RBFOX1: variants seen among roughly 807,000 people sequenced by gnomAD.
The protein encoded by RBFOX1 is RNA binding protein fox-1 homolog 1.
In RBFOX1, 8 loss-of-function variants were observed where a neutral mutation model predicts 57.7. The observed-to-expected ratio is 0.14, with a 90% CI of 0.08 to 0.25. RBFOX1 has a LOEUF of 0.25. Ranked by LOEUF, RBFOX1 falls within the 10% of genes least tolerant of loss-of-function variation. The pLI is 1.00. For missense variants in RBFOX1, 611 were observed against 548.5 expected (o/e 1.11, Z -1.14); for synonymous variants, 326 against 222.4 (o/e 1.47, Z -4.15).
chr16:6,942,851 T>C (rs372709096), intron 3 of RBFOX1, among the ~76,000 whole-genome samples: 4 of 152,320 alleles, frequency 2.6e-5, no homozygotes, highest in African/African-American at 9.6e-5. Flanking sequence ...AGGAGGACAG[T>C]CCTTCTACAT....
intron 3 of RBFOX1, among the ~76,000 whole-genome samples, chr16:6,818,112 C>T (rs567717118): frequency 3.3e-5 from 5 of 152,158 alleles, no homozygotes; most frequent in African/African-American, 1.2e-4. Context: ...GATTTTCCAC[C>T]CCTCCCTCTA....
intron 2 of RBFOX1, among the ~76,000 whole-genome samples, chr16:6,600,599 T>C: frequency 6.6e-6 from 1 of 152,160 alleles, no homozygotes; most frequent in Non-Finnish European, 1.5e-5. Context: ...CTTACAAACC[T>C]GCCATCATTT....
At chr16:7,531,907 C>T (rs2080180157) in intron 5 of RBFOX1, among the ~76,000 whole-genome samples, 1 of 152,074 alleles carries the variant, frequency 6.6e-6, no homozygotes, top group Admixed American at 6.6e-5. Flanking sequence ...CTAACCCATC[C>T]CCTTCCCCAG....
At chr16:7,462,209 T>G (rs1187987435) in intron 4 of RBFOX1, among the ~76,000 whole-genome samples, 1 of 152,266 alleles carries the variant, frequency 6.6e-6, no homozygotes, top group African/African-American at 2.4e-5. Flanking sequence ...TTTACATGAT[T>G]GCATTTGTTG....
At chr16:6,342,279 T>C (rs1324341234) in intron 2 of RBFOX1, among the ~76,000 whole-genome samples, 1 of 152,162 alleles carries the variant, frequency 6.6e-6, no homozygotes, top group Non-Finnish European at 1.5e-5. Flanking sequence ...TGGACTAGGA[T>C]GGCACCACGA....
chr16:6,468,728 G>C (rs981049051), intron 2 of RBFOX1, among the ~76,000 whole-genome samples: 2 of 151,662 alleles, frequency 1.3e-5, no homozygotes, highest in Non-Finnish European at 2.9e-5. Context: ...TGCTTCTCTT[G>C]CTCAGTCCTC....
At chr16:7,468,839 G>C (rs1403837947) in intron 4 of RBFOX1, among the ~76,000 whole-genome samples, 2 of 152,140 alleles carry the variant, frequency 1.3e-5, no homozygotes, top group African/African-American at 4.8e-5. Context: ...GGCTGACCAA[G>C]AGTCAAGGGT....
At position 7,080,186 on chromosome 16, in the gene RBFOX1, C is replaced by G. The variant is rs545013861; in HGVS notation, c.27+28088C>G. On this transcript the variant is annotated intron_variant, in intron 4 of 15. Transcript: ENST00000550418. ...AAAAAGTAAAAGTAAATAAAATGTC[C>G]CATTCCCATTTGTTTTTGGGAGTCA... Among the ~76,000 whole-genome samples, 32 of 151,364 alleles carry G rather than the reference C, an allele frequency of 2.1e-4. 2 individuals are homozygous for G. The South Asian group carries it at 6.5e-3, about 31-fold the overall frequency.
At position 5,971,855 on chromosome 16, in the gene RBFOX1, A is replaced by G. The variant is rs551250938; in HGVS notation, c.351+104520A>G. Among the ~76,000 whole-genome samples, 4 of 152,324 alleles carry G rather than the reference A, an allele frequency of 2.6e-5. No individual in the cohort carries two copies. The South Asian group carries it at 8.3e-4, about 32-fold the overall frequency. On this transcript the variant is annotated intron_variant, in intron 4 of 19. Transcript: ENST00000641259. Reference sequence around the variant, plus strand: ...TGAGGGTGTTTTGGATGAGATTAACATTTATGTCAGTAGACTGAGTAAAGC... The same window carrying G: ...TGAGGGTGTTTTGGATGAGATTAACGTTTATGTCAGTAGACTGAGTAAAGC...
chr16:7,429,143 C>T (rs1037246088), intron 4 of RBFOX1, among the ~76,000 whole-genome samples: 2 of 152,178 alleles, frequency 1.3e-5, no homozygotes, highest in Non-Finnish European at 2.9e-5. Context: ...CTGACATCTC[C>T]TGATGTGAAC....
At chr16:5,416,291 C>G (rs190255347) in intron 1 of RBFOX1, among the ~76,000 whole-genome samples, 2 of 152,156 alleles carry the variant, frequency 1.3e-5, no homozygotes, top group Non-Finnish European at 2.9e-5. Flanking sequence ...ATGGTGGAGC[C>G]AGGACTTACA....
chr16:7,227,245 A>G (rs561310416), intron 4 of RBFOX1, among the ~76,000 whole-genome samples: 1 of 149,874 alleles, frequency 6.7e-6, no homozygotes, highest in South Asian at 2.1e-4. Flanking sequence ...CTATCTGTAT[A>G]TCTCTCTCTG....
intron 1 of RBFOX1, among the ~76,000 whole-genome samples, chr16:6,024,454 G>A (rs140811100): frequency 1.4e-3 from 210 of 152,230 alleles, no homozygotes; most frequent in Non-Finnish European, 2.5e-3. Flanking sequence ...GATCTGTATG[G>A]ATCCATACAT....
chr16:7,351,483 T>A (rs772175850), intron 4 of RBFOX1, among the ~76,000 whole-genome samples: 1 of 152,214 alleles, frequency 6.6e-6, no homozygotes, highest in Non-Finnish European at 1.5e-5. Flanking sequence ...AAACAAAGAA[T>A]AACTACCATA....
chr16:6,276,306 A>G (rs1464019492), intron 1 of RBFOX1, among the ~76,000 whole-genome samples: 2 of 151,866 alleles, frequency 1.3e-5, no homozygotes, highest in Non-Finnish European at 2.9e-5. Context: ...AGCTTGGGGC[A>G]CATGCTCATA....
chr16:6,914,526 C>T (rs1464189328), intron 3 of RBFOX1, among the ~76,000 whole-genome samples: 2 of 151,700 alleles, frequency 1.3e-5, no homozygotes, highest in African/African-American at 4.9e-5. Context: ...GAGAATCTCT[C>T]TGGACATCAG....
chr16:6,580,252 C>T (rs1894857), intron 2 of RBFOX1, among the ~76,000 whole-genome samples: 2,837 of 151,930 alleles, frequency 0.019, 29 homozygotes, highest in Non-Finnish European at 0.028. Flanking sequence ...CCACCATGCC[C>T]GGCCAGGCCT....
intron 2 of RBFOX1, among the ~76,000 whole-genome samples, chr16:5,564,404 CCT>C (rs2045990498): frequency 1.3e-5 from 2 of 152,146 alleles, no homozygotes; most frequent in African/African-American, 4.8e-5. Context: ...ATTTTTGTCT[CCT>C]CCCACTGAAT....
At chr16:6,901,538 A>C (rs1003054893) in intron 3 of RBFOX1, among the ~76,000 whole-genome samples, 1 of 152,206 alleles carries the variant, frequency 6.6e-6, no homozygotes, top group African/African-American at 2.4e-5. Flanking sequence ...AAGCAAATCC[A>C]GAGAAGATTT....
Sources: gnomAD v4.1 joint callset for allele counts (sites outside exome capture counted in the v4.1 genomes callset) on GRCh38, gnomAD v4.1.1 for gene constraint, MANE v1.5 for transcripts, NCBI Gene and HGNC (gene_info 2026-07-23, HGNC 2026-07-21) for gene names.